Variants in PALLD observed in about 807,000 individuals in gnomAD.
The protein encoded by PALLD is palladin, cytoskeletal associated protein.
In PALLD, 61 loss-of-function variants were observed where a neutral mutation model predicts 123.5. The ratio of observed to expected loss-of-function variants is 0.49; its 90% CI spans 0.40 to 0.61. The LOEUF (loss-of-function observed/expected upper bound fraction) is 0.61. Among genes scored for constraint, PALLD ranks in the 20% least tolerant of loss-of-function variants. The probability of loss-of-function intolerance (pLI) is 0.00; values close to 1 mark genes in which losing one functional copy is unlikely to be tolerated. For missense variants in PALLD, 1,273 were observed against 1,377.0 expected, an observed-to-expected ratio of 0.92 and a Z score of 1.20; for synonymous variants, 465 against 496.4, an observed-to-expected ratio of 0.94 and a Z score of 0.84.
In PALLD at chr4:168,697,885, G is replaced by A. The variant is rs533935708; in HGVS notation, c.1501+6593G>A. On this transcript the variant is annotated intron_variant, in intron 8 of 21. Transcript: ENST00000505667. ...TTGCTGGATATATACCCAAAAGAAA[G>A]GAAGTCAGTATATCAAATAGATATC... 1.4e-3 allele frequency among the ~76,000 whole-genome samples: 212 copies of A among 152,214 alleles called. 1 individual carries two copies. Among genetic ancestry groups the A allele is most frequent in the African/African-American group, 5.0e-3 (209 of 41,520 alleles).
intron 2 of PALLD, among the ~76,000 whole-genome samples, chr4:168,567,749 T>C (rs906732718): frequency 6.6e-6 from 1 of 151,818 alleles, no homozygotes; most frequent in Non-Finnish European, 1.5e-5. Context: ...CTAAACAATC[T>C]GTACACATGG....
At chr4:168,755,936 A>C (rs1426661829) in intron 10 of PALLD, 1 of 169,474 alleles carries the variant, frequency 5.9e-6, no homozygotes, top group Non-Finnish European at 1.3e-5. Flanking sequence ...CAGTCACGTC[A>C]GTATAGAACT....
At chr4:168,739,907 C>T (rs999584403) in intron 10 of PALLD, among the ~76,000 whole-genome samples, 6 of 152,150 alleles carry the variant, frequency 3.9e-5, no homozygotes, top group East Asian at 1.9e-4. Context: ...GTTTCACACT[C>T]GTAGCATGTA....
chr4:168,814,708 T>C (rs550334733), intron 10 of PALLD, among the ~76,000 whole-genome samples: 1 of 152,222 alleles, frequency 6.6e-6, no homozygotes, highest in African/African-American at 2.4e-5. Flanking sequence ...CTTTCCCGAA[T>C]GTCTATAATT....
Position 168,890,933 on chromosome 4 carries a change from A to G in PALLD, c.1976A>G (p.Lys659Arg). Reference protein sequence around the residue: ...LLAKPKLGFPKKASRTARIAS... With the variant: ...LLAKPKLGFPRKASRTARIAS... ...TTTTTATCCTGCAGAGGATTTCCAAAGAAGGCCAGTAGAACTGCTAGAATA... is the reference window on the plus strand; with the variant it reads ...TTTTTATCCTGCAGAGGATTTCCAAGGAAGGCCAGTAGAACTGCTAGAATA... Residue 659 changes from lysine to arginine, a missense_variant, in exon 11 of 22, where the codon AAG (lysine) becomes AGG (arginine). By Grantham distance (26) the Lys-to-Arg change is conservative (BLOSUM62 2). Coordinates refer to ENST00000505667, the MANE Select transcript of PALLD (RefSeq NM_001166108.2). 1 of 1,613,966 alleles carries G rather than the reference A, an allele frequency of 6.2e-7. No homozygotes were observed. Among genetic ancestry groups the G allele is most frequent in the Non-Finnish European group, 8.5e-7 (1 of 1,179,802 alleles).
intron 10 of PALLD, among the ~76,000 whole-genome samples, chr4:168,843,067 G>C (rs898574000): frequency 4.6e-5 from 7 of 152,330 alleles, no homozygotes; most frequent in African/African-American, 1.7e-4. Flanking sequence ...GACCTAACCA[G>C]CTGTTAAGCA....
intron 10 of PALLD, among the ~76,000 whole-genome samples, chr4:168,792,723 G>A (rs1456564015): frequency 6.6e-6 from 1 of 151,978 alleles, no homozygotes; most frequent in East Asian, 1.9e-4. Flanking sequence ...CTGGGTGTGT[G>A]AATCCAGCAG....
intron 1 of PALLD, among the ~76,000 whole-genome samples, chr4:168,510,822 G>A (rs1464806269): frequency 1.3e-5 from 2 of 152,170 alleles, no homozygotes; most frequent in Non-Finnish European, 2.9e-5. Context: ...ACAAAGTCAA[G>A]AGTATCTACC....
In PALLD at chr4:168,757,636, AG is replaced by A. The variant is rs199654386; in HGVS notation, c.1964+45716del. ...ATCTGTAATTAGACCTCATGGCCAG[AG>A]GGCCACAACAGTGAGGTATGTGACA... On this transcript the variant is annotated intron_variant, in intron 10 of 21. Transcript: ENST00000505667. Among the ~76,000 whole-genome samples, 1,131 of 152,366 alleles carry A rather than the reference AG, an allele frequency of 7.4e-3. 5 individuals are homozygous for A. The highest frequency in any genetic ancestry group is 0.024 in the Middle Eastern group (7 of 294).
chr4:168,760,012 C>G (rs1011566327), intron 10 of PALLD, among the ~76,000 whole-genome samples: 1 of 151,592 alleles, frequency 6.6e-6, no homozygotes, highest in African/African-American at 2.4e-5. Context: ...TGAGATGGCA[C>G]CACTGCACTC....
At chr4:168,672,234 T>A (rs1294411088) in intron 3 of PALLD, among the ~76,000 whole-genome samples, 2 of 152,218 alleles carry the variant, frequency 1.3e-5, no homozygotes, top group Non-Finnish European at 2.9e-5. Context: ...CATTTATCAT[T>A]TGTTTGTGTT....
intron 10 of PALLD, among the ~76,000 whole-genome samples, chr4:168,748,198 A>G (rs957431933): frequency 2.6e-5 from 4 of 152,236 alleles, no homozygotes; most frequent in Admixed American, 2.6e-4. Context: ...GTAGACATCA[A>G]TGGGTCTAAA....
chr4:168,507,214 T>C (rs1762093525), intron 1 of PALLD: 1 of 166,384 alleles, frequency 6.0e-6, no homozygotes, highest in East Asian at 1.3e-4. Flanking sequence ...AGCATGTAAG[T>C]TAATGGTACC....
chr4:168,680,713 T>C (rs79603975), intron 3 of PALLD, among the ~76,000 whole-genome samples: 2,078 of 152,268 alleles, frequency 0.014, 26 homozygotes, highest in Non-Finnish European at 0.02. Context: ...CTTTGAACCA[T>C]TGCAATTTTT....
At chr4:168,755,220 A>G (rs549550274) in intron 10 of PALLD, among the ~76,000 whole-genome samples, 127 of 146,248 alleles carry the variant, frequency 8.7e-4, no homozygotes, top group African/African-American at 2.6e-3. Flanking sequence ...GCGAGAGAGC[A>G]AGACTCCGTC....
In PALLD at chr4:168,690,034, A is replaced by G. The variant is rs1414607353; in HGVS notation, c.1336-569A>G. ...AGGAAATGAAGGTCAATAAGGAAGAAGTACAGCATGTTTCATTACTTTACT... is the reference window on the plus strand; with the variant it reads ...AGGAAATGAAGGTCAATAAGGAAGAGGTACAGCATGTTTCATTACTTTACT... On this transcript the variant is annotated intron_variant, in intron 6 of 21. Transcript: ENST00000505667. Among the ~76,000 whole-genome samples, 3 of 152,206 alleles carry G rather than the reference A, an allele frequency of 2.0e-5. No individual in the cohort carries two copies. In the East Asian group the frequency reaches 5.8e-4, roughly 29 times the overall value.
chr4:168,537,059 T>C (rs1765171434), intron 2 of PALLD, among the ~76,000 whole-genome samples: 1 of 152,140 alleles, frequency 6.6e-6, no homozygotes, highest in South Asian at 2.1e-4. Context: ...TCTCCTGACC[T>C]TGTGATCCGC....
intron 10 of PALLD, chr4:168,756,354 GA>G (rs1731879829): frequency 1.8e-5 from 4 of 221,392 alleles, no homozygotes; most frequent in Non-Finnish European, 3.8e-5. Flanking sequence ...CTATGTCTCT[GA>G]AAAAGGGACA....
At chr4:168,701,565 C>T (rs917500653) in intron 8 of PALLD, among the ~76,000 whole-genome samples, 1 of 152,170 alleles carries the variant, frequency 6.6e-6, no homozygotes, top group African/African-American at 2.4e-5. Context: ...TCAAGATCAT[C>T]GATCTAAAAC....
Sources: allele counts gnomAD v4.1 joint callset (sites outside exome capture counted in the v4.1 genomes callset), GRCh38; gene constraint gnomAD v4.1.1; transcripts MANE v1.5; gene names NCBI Gene and HGNC (gene_info 2026-07-23, HGNC 2026-07-21).